Variants in RGL1 observed in about 807,000 individuals in gnomAD.
RGL1 encodes ral guanine nucleotide dissociation stimulator-like 1.
In RGL1, 24 loss-of-function variants were observed where a neutral mutation model predicts 95.2. The observed-to-expected ratio is 0.25, with a 90% CI of 0.18 to 0.35. The LOEUF (loss-of-function observed/expected upper bound fraction) is 0.35. Ranked by LOEUF, RGL1 falls within the 10% of genes least tolerant of loss-of-function variation. The pLI is 1.00. For missense variants in RGL1, 715 were observed against 936.3 expected, an observed-to-expected ratio of 0.76 and a Z score of 3.08; for synonymous variants, 329 against 344.9, an observed-to-expected ratio of 0.95 and a Z score of 0.51.
chr1:183,841,334 A>G (rs1664044674), intron 2 of RGL1, among the ~76,000 whole-genome samples: 1 of 152,234 alleles, frequency 6.6e-6, no homozygotes, highest in Non-Finnish European at 1.5e-5. Flanking sequence ...ACCACATAGT[A>G]TGTAATTATT....
At chr1:183,843,821 G>GT (rs5779190) in intron 2 of RGL1, among the ~76,000 whole-genome samples, 82,363 of 150,828 alleles carry the variant, frequency 0.55, 22,494 homozygotes, top group African/African-American at 0.58. Flanking sequence ...ATATTTTCAT[G>GT]TTTTTTTTTG....
intron 2 of RGL1, among the ~76,000 whole-genome samples, chr1:183,826,286 TTAAA>T (rs1662851293): frequency 6.6e-6 from 1 of 152,102 alleles, no homozygotes; most frequent in African/African-American, 2.4e-5. Flanking sequence ...TCTCTATTTT[TTAAA>T]TAAACAAATC....
At chr1:183,696,547 C>G (rs1304010935) in intron 1 of RGL1, among the ~76,000 whole-genome samples, 1 of 152,196 alleles carries the variant, frequency 6.6e-6, no homozygotes, top group Non-Finnish European at 1.5e-5. Flanking sequence ...GCATCTGATG[C>G]ATTTTCATGA....
At chr1:183,640,969 AT>A (rs139043457) in intron 1 of RGL1, among the ~76,000 whole-genome samples, 1,989 of 152,334 alleles carry the variant, frequency 0.013, 51 homozygotes, top group African/African-American at 0.046. Context: ...AATGATAAAA[AT>A]CATATAGTTT....
rs71632191 is a variant in RGL1 at position 183,720,832 on chromosome 1, G to A, written c.-32-21294G>A. Among the ~76,000 whole-genome samples, 4 of 152,306 alleles carry A rather than the reference G, an allele frequency of 2.6e-5. No homozygotes were observed. In the East Asian group the frequency reaches 7.7e-4, roughly 29 times the overall value. ...GGAAAATGTCTGTTTGAGACTTTTA[G>A]GAGATATGTTTTGATGAAAGAAAAG... On this transcript the variant is annotated intron_variant, in intron 1 of 18. Coordinates refer to the RGL1 transcript ENST00000304685.
chr1:183,645,957 T>A (rs978535066), intron 1 of RGL1, among the ~76,000 whole-genome samples: 1 of 152,250 alleles, frequency 6.6e-6, no homozygotes, highest in African/African-American at 2.4e-5. Context: ...CAACTTCTCC[T>A]TTTGTTATAT....
chr1:183,694,121 C>T (rs1030729613), intron 1 of RGL1, among the ~76,000 whole-genome samples: 1 of 152,130 alleles, frequency 6.6e-6, no homozygotes, highest in Admixed American at 6.5e-5. Context: ...TGGACATTTG[C>T]CCAGAAAACA....
At chr1:183,893,596 G>A (rs1451296641) in intron 9 of RGL1, among the ~76,000 whole-genome samples, 1 of 152,196 alleles carries the variant, frequency 6.6e-6, no homozygotes, top group African/African-American at 2.4e-5. Flanking sequence ...CCTTAGGTTA[G>A]TCGATCCTAT....
chr1:183,862,465 C>T (rs1665569739), intron 3 of RGL1, among the ~76,000 whole-genome samples: 2 of 152,230 alleles, frequency 1.3e-5, no homozygotes, highest in East Asian at 3.8e-4. Context: ...TTTTATCTCA[C>T]TTCTAAAAGA....
chr1:183,928,154 G>A lies in RGL1; in HGVS notation c.*1862G>A, dbSNP rs1669722465. 2 of 146,954 alleles carry A rather than the reference G, an allele frequency of 1.4e-5. No homozygotes were observed. Among genetic ancestry groups the A allele is most frequent in the South Asian group, 4.4e-4 (2 of 4,570 alleles). 9.1% of individuals were successfully genotyped at this position (146,954 alleles called of 1,614,324 possible). On this transcript the variant is annotated 3_prime_UTR_variant, in exon 18 of 18. Transcript: ENST00000360851. ...ATGTAGCCTCAGCCTGATATTCTTG[G>A]TGCGAAGGTAAAAAAAAAAAAATAA...
chr1:183,898,826 A>T (rs955060004), intron 10 of RGL1, among the ~76,000 whole-genome samples: 1 of 152,184 alleles, frequency 6.6e-6, no homozygotes, highest in Non-Finnish European at 1.5e-5. Flanking sequence ...CCTTGGTATG[A>T]ACCTCACAAA....
At chr1:183,788,613 A>G (rs1660293476) in intron 2 of RGL1, among the ~76,000 whole-genome samples, 1 of 152,194 alleles carries the variant, frequency 6.6e-6, no homozygotes, top group Non-Finnish European at 1.5e-5. Flanking sequence ...TGCACAGTAC[A>G]TGTTCTGTTG....
At chr1:183,835,786 A>G (rs962380806) in intron 2 of RGL1, among the ~76,000 whole-genome samples, 9 of 152,196 alleles carry the variant, frequency 5.9e-5, no homozygotes, top group Non-Finnish European at 1.0e-4. Flanking sequence ...AGTGCTGAAT[A>G]GCTTGTAATC....
chr1:183,907,232 A>T, intron 14 of RGL1, 131 bp downstream of exon 14: 1 of 641,938 alleles, frequency 1.6e-6, no homozygotes, highest in South Asian at 1.7e-5. Context: ...TAAGCCGTTT[A>T]TCCTTCTGTC....
intron 16 of RGL1, among the ~76,000 whole-genome samples, chr1:183,918,118 A>G (rs891159576): frequency 7.2e-5 from 11 of 152,184 alleles, no homozygotes; most frequent in African/African-American, 2.4e-4. Context: ...GGTCTGTGAG[A>G]TATGAACTAC....
intron 11 of RGL1, 53 bp from the exon 12 acceptor site, chr1:183,902,515 C>T: frequency 6.7e-7 from 1 of 1,494,796 alleles, no homozygotes; most frequent in Non-Finnish European, 9.2e-7. Flanking sequence ...CAACATATGG[C>T]TGTGTTTTAA....
At position 183,888,522 on chromosome 1, in the gene RGL1, G is replaced by C; in HGVS notation, c.1000G>C (p.Ala334Pro). ...TTCCTCCTTGAGGGCCATCGTTTCG[G>C]CACTGCAGTCTAATTCCATCTATCG... Reference protein sequence around the residue: ...NFSSLRAIVSALQSNSIYRLK... With the variant: ...NFSSLRAIVSPLQSNSIYRLK... Residue 334 changes from alanine (A) to proline (P), a missense_variant, in exon 8 of 18, where the codon GCA becomes CCA. Ala to Pro is a conservative substitution (Grantham distance 27). Coordinates refer to ENST00000360851, the MANE Select transcript of RGL1 (RefSeq NM_001297671.3). 1.9e-6 allele frequency: 3 copies of C among 1,613,426 alleles called. No individual in the cohort carries two copies. Among genetic ancestry groups the C allele is most frequent in the Non-Finnish European group, 2.5e-6 (3 of 1,179,470 alleles).
chr1:183,739,857 A>C (rs901816975), intron 1 of RGL1, among the ~76,000 whole-genome samples: 1 of 152,190 alleles, frequency 6.6e-6, no homozygotes, highest in Non-Finnish European at 1.5e-5. Flanking sequence ...AAATTTGCCA[A>C]CTTTCACCCA....
chr1:183,902,196 C>T (rs72733466), intron 11 of RGL1, among the ~76,000 whole-genome samples: 14,982 of 152,152 alleles, frequency 0.098, 973 homozygotes, highest in Non-Finnish European at 0.14. Context: ...TTTGATAAAC[C>T]GTATGAGTCA....
Sources: allele counts gnomAD v4.1 joint callset (sites outside exome capture counted in the v4.1 genomes callset), GRCh38; gene constraint gnomAD v4.1.1; transcripts MANE v1.5; gene names NCBI Gene and HGNC (gene_info 2026-07-23, HGNC 2026-07-21).